The following ARPP21 variants were observed in gnomAD, a reference collection of about 807,000 sequenced individuals.
ARPP21 encodes cAMP-regulated phosphoprotein 21.
ARPP21 carries 69 observed loss-of-function variants against 113.2 expected under a neutral mutation model. The observed-to-expected ratio is 0.61, with a 90% CI of 0.50 to 0.74. ARPP21 has a LOEUF of 0.74. ARPP21 is among the 30% of genes least tolerant of loss of function. The pLI is 0.00. For synonymous variants in ARPP21, 368 were observed against 375.5 expected (o/e 0.98, Z 0.23); for missense variants, 1,070 against 1,037.4 (o/e 1.03, Z -0.43).
At chr3:35,657,461 C>T (rs1315628942) in intron 1 of ARPP21, among the ~76,000 whole-genome samples, 1 of 152,148 alleles carries the variant, frequency 6.6e-6, no homozygotes, top group African/African-American at 2.4e-5. Context: ...GCATATGTTT[C>T]TCTCAGTGAA....
At chr3:35,639,261 A>G (rs535713852), upstream of ARPP21, among the ~76,000 whole-genome samples, 1 of 152,150 alleles carries the variant, frequency 6.6e-6, no homozygotes, top group East Asian at 1.9e-4. This position sits in a 1 kb window ranked among gnomAD's most constrained non-coding sequence, Gnocchi z 5.0. Flanking sequence ...AGCAGGTGCC[A>G]TCACTCTGGA....
rs1411727245 is a variant in ARPP21 at position 35,687,848 on chromosome 3, C to T, written c.371C>T (p.Thr124Ile). ...GAAAAGGATAAAAACAAAGATAAAA[C>T]CTCTGAAAAACCCAAGATCAGAATG... ...EKEKDKNKDK[T>I]SEKPKIRMLS... Residue 124 changes from threonine (T) to isoleucine (I), a missense_variant, in exon 6 of 21, where the codon ACC becomes ATC. Thr to Ile is a moderately conservative substitution (Grantham distance 89). Transcript: ENST00000684406. The T allele has an allele frequency of 1.9e-6, 3 of 1,591,820 alleles. No individual in the cohort carries two copies. The highest frequency in any genetic ancestry group is 2.6e-6 in the Non-Finnish European group (3 of 1,171,738).
At position 35,712,584 on chromosome 3, in the gene ARPP21, G is replaced by A. The variant is rs867279560; in HGVS notation, c.898-2855G>A. Among the ~76,000 whole-genome samples the A allele has an allele frequency of 1.5e-4, 22 of 151,354 alleles. No homozygotes were observed. In the South Asian group the frequency reaches 3.2e-3, roughly 22 times the overall value. The stretch of plus-strand genomic sequence containing the variant: ...TGTGAAAGAGAGAGAGTGTGTGTGT[G>A]TATGTGTTTGTGTGTGCTTTTGTAT... On this transcript the variant is annotated intron_variant, in intron 11 of 20. Coordinates refer to ENST00000684406, the MANE Select transcript of ARPP21 (RefSeq NM_001385562.1).
intron 14 of ARPP21, among the ~76,000 whole-genome samples, chr3:35,728,522 C>A (rs1181180204): frequency 7.0e-6 from 1 of 143,840 alleles, no homozygotes; most frequent in Non-Finnish European, 1.5e-5. Context: ...CCAGCCCATC[C>A]TTTTTTTTTT....
rs2081778518 is a variant in ARPP21 at position 35,690,008 on chromosome 3, A to G, written c.486-73A>G. On this transcript the variant is annotated intron_variant, in intron 7 of 20. Coordinates refer to ENST00000684406, the MANE Select transcript of ARPP21 (RefSeq NM_001385562.1). ...TACATTTAAGTAATCTTTTCCATAC[A>G]TTTAATTAATTCTTTAGGTTTTTGG... is the stretch of plus-strand genomic sequence containing the variant. 5.3e-6 allele frequency: 4 copies of G among 751,836 alleles called. No homozygotes were observed. In the South Asian group the frequency reaches 5.9e-5, roughly 11 times the overall value. The allele number at this position is 751,836 out of a possible 1,614,324, so 46.6% of individuals were successfully genotyped here.
At position 35,777,805 on chromosome 3, in the gene ARPP21, G is replaced by A. The variant is rs1218045489; in HGVS notation, c.2138-14577G>A. On this transcript the variant is annotated intron_variant, in intron 19 of 20. Coordinates refer to ENST00000684406, the MANE Select transcript of ARPP21 (RefSeq NM_001385562.1). ...TTCAACAAAATGAGTAGTACTGCTT[G>A]AGATGAATCATAATTTAACTTTTTT... 2.0e-5 allele frequency among the ~76,000 whole-genome samples: 3 copies of A among 152,136 alleles called. No individual in the cohort carries two copies. In the East Asian group the frequency reaches 5.8e-4, roughly 29 times the overall value.
At chr3:35,690,266 A>T (rs1425065009) in intron 8 of ARPP21, 126 bp downstream of exon 8, 3 of 629,128 alleles carry the variant, frequency 4.8e-6, no homozygotes, top group Non-Finnish European at 8.6e-6. Flanking sequence ...TTGATTTGTT[A>T]AATGGAGACA....
At chr3:35,750,511 A>C (rs187575979) in intron 19 of ARPP21, among the ~76,000 whole-genome samples, 1 of 152,300 alleles carries the variant, frequency 6.6e-6, no homozygotes, top group Admixed American at 6.5e-5. Flanking sequence ...TGAATGTCCC[A>C]TAAGCACTTG....
intron 19 of ARPP21, among the ~76,000 whole-genome samples, chr3:35,765,333 A>G (rs1196101251): frequency 1.3e-5 from 2 of 152,102 alleles, no homozygotes; most frequent in Non-Finnish European, 2.9e-5. Context: ...AGCTTGTTAG[A>G]AACATGTCTG....
chr3:35,702,558 AT>A (rs748390475), intron 9 of ARPP21, among the ~76,000 whole-genome samples: 6 of 151,768 alleles, frequency 4.0e-5, no homozygotes, highest in South Asian at 2.1e-4. Context: ...GAAAAGTCTT[AT>A]GTTAAAGGAG....
chr3:35,676,526 T>A (rs1345954304), intron 1 of ARPP21, among the ~76,000 whole-genome samples: 2 of 70,850 alleles, frequency 2.8e-5, no homozygotes, highest in Non-Finnish European at 6.4e-5. Context: ...CTCTGGCAAT[T>A]TTGGCATTTT....
intron 1 of ARPP21, chr3:35,643,650 T>C (rs1403270624): frequency 1.3e-5 from 2 of 152,144 alleles, no homozygotes; most frequent in Non-Finnish European, 2.9e-5. Flanking sequence ...GAAGTGAATA[T>C]GATTGAGAAT....
chr3:35,758,393 A>G (rs2095647677), intron 19 of ARPP21, among the ~76,000 whole-genome samples: 1 of 152,042 alleles, frequency 6.6e-6, no homozygotes, highest in Admixed American at 6.6e-5. Flanking sequence ...TCCCCAAACA[A>G]GGACAATGCC....
At chr3:35,684,009 GT>G in intron 5 of ARPP21, 194 bp downstream of exon 5, 3 of 1,557,822 alleles carry the variant, frequency 1.9e-6, no homozygotes, top group Non-Finnish European at 2.6e-6. Context: ...TATTAAATTT[GT>G]TTTTTTCCAG....
intron 5 of ARPP21, chr3:35,685,931 T>G: frequency 5.1e-6 from 2 of 390,302 alleles, no homozygotes; most frequent in Non-Finnish European, 7.0e-6. Context: ...GTAATATATA[T>G]GCATAGAAAA....
At chr3:35,771,035 C>T (rs906031994) in intron 19 of ARPP21, among the ~76,000 whole-genome samples, 3 of 152,158 alleles carry the variant, frequency 2.0e-5, no homozygotes, top group African/African-American at 7.2e-5. Flanking sequence ...GAAGAAACTG[C>T]GGAATAGTTG....
chr3:35,729,687 A>G (rs2093806338), intron 15 of ARPP21, 151 bp downstream of exon 15: 1 of 652,938 alleles, frequency 1.5e-6, no homozygotes, highest in South Asian at 1.9e-5. Context: ...GTTTAGAAAG[A>G]GCAGATTTAC....
intron 11 of ARPP21, among the ~76,000 whole-genome samples, chr3:35,714,029 C>T (rs913935857): frequency 2.6e-5 from 4 of 152,172 alleles, no homozygotes; most frequent in African/African-American, 7.2e-5. Context: ...ATTTAGTGTA[C>T]TGTAAAGAGC....
chr3:35,733,834 C>T (rs540667325), intron 15 of ARPP21, among the ~76,000 whole-genome samples: 3 of 152,278 alleles, frequency 2.0e-5, no homozygotes, highest in East Asian at 3.9e-4. Context: ...TCTACTTAAG[C>T]GAATCCTTAG....
Sources: allele counts gnomAD v4.1 joint callset (sites outside exome capture counted in the v4.1 genomes callset), GRCh38; gene constraint gnomAD v4.1.1; non-coding constraint Gnocchi (gnomAD v3.1); transcripts MANE v1.5; gene names NCBI Gene and HGNC (gene_info 2026-07-23, HGNC 2026-07-21).